The following TMOD1 variants were observed in gnomAD, a reference collection of about 807,000 sequenced individuals.
The protein encoded by TMOD1 is tropomodulin-1.
In TMOD1, 17 loss-of-function variants were observed where a neutral mutation model predicts 40.6. The observed-to-expected ratio is 0.42, with a 90% CI of 0.29 to 0.63. The LOEUF (loss-of-function observed/expected upper bound fraction) is 0.63, where lower values mean the gene tolerates loss of function less well. Ranked by LOEUF, TMOD1 falls within the 20% of genes least tolerant of loss-of-function variation. The probability of loss-of-function intolerance (pLI) is 0.22; values close to 1 mark genes in which losing one functional copy is unlikely to be tolerated. For missense variants in TMOD1, 391 were observed against 447.6 expected (o/e 0.87, Z 1.14); for synonymous variants, 181 against 175.0 (o/e 1.03, Z -0.27).
In TMOD1 at chr9:97,506,240, G is replaced by A. The variant is rs377039036; in HGVS notation, c.-49+4437G>A. ...CCCCCTGTGCCAACTCAGAGCACCA[G>A]CCAGAGTGTGTTCTAAATGGAACCA... is the stretch of plus-strand genomic sequence containing the variant. On this transcript the variant is annotated intron_variant, in intron 1 of 9. Coordinates refer to ENST00000259365, the MANE Select transcript of TMOD1 (RefSeq NM_003275.4). 5.9e-5 allele frequency among the ~76,000 whole-genome samples: 9 copies of A among 152,282 alleles called. No individual in the cohort carries two copies. The East Asian group carries it at 9.7e-4, about 16-fold the overall frequency.
intron 2 of TMOD1, among the ~76,000 whole-genome samples, chr9:97,531,045 C>CCG (rs1168372435): frequency 7.2e-6 from 1 of 139,714 alleles, no homozygotes; most frequent in Non-Finnish European, 1.6e-5. Context: ...CCACCCCCCC[C>CCG]ACCACCCCTT....
rs761059642 is a variant in TMOD1 at position 97,568,894 on chromosome 9, G to T, written c.727G>T (p.Ala243Ser). ...TCCTTGCTTTCTCTTGTGCTTCAAG[G>T]CCCTTGCTGAGATGCTCAAGGAGAA... ...GTRSNDPVAY[A>S]LAEMLKENKV... Residue 243 changes from alanine to serine, a missense_variant and splice_region_variant, in exon 8 of 10, where the codon GCC (alanine) becomes TCC (serine). Coordinates refer to ENST00000259365, the MANE Select transcript of TMOD1 (RefSeq NM_003275.4). The T allele has an allele frequency of 1.2e-6, 2 of 1,613,814 alleles. No individual in the cohort carries two copies. Among genetic ancestry groups the T allele is most frequent in the South Asian group, 2.2e-5 (2 of 91,040 alleles).
intron 1 of TMOD1, among the ~76,000 whole-genome samples, chr9:97,510,324 A>G (rs1342806953): frequency 6.6e-6 from 1 of 151,986 alleles, no homozygotes; most frequent in Non-Finnish European, 1.5e-5. Context: ...TCCACTGCCC[A>G]GGTTCAAGCG....
intron 7 of TMOD1, 28 bp downstream of exon 7, chr9:97,565,983 G>T: frequency 6.3e-7 from 1 of 1,594,152 alleles, no homozygotes; most frequent in Non-Finnish European, 8.6e-7. Context: ...CTGTTGCATT[G>T]TGGCTGGGGG....
At chr9:97,567,035 A>C (rs1416213716) in intron 7 of TMOD1, among the ~76,000 whole-genome samples, 2 of 152,258 alleles carry the variant, frequency 1.3e-5, no homozygotes, top group Admixed American at 1.3e-4. Context: ...CAGGGCTAGT[A>C]ATTAACCATT....
chr9:97,580,635 GGGAA>G (rs1280347382), intron 8 of TMOD1, among the ~76,000 whole-genome samples: 4 of 151,904 alleles, frequency 2.6e-5, no homozygotes, highest in Middle Eastern at 3.4e-3. Flanking sequence ...GAAGGAAGGA[GGGAA>G]GGAAGGGAGG....
At chr9:97,525,196 T>A (rs1829993387) in intron 2 of TMOD1, among the ~76,000 whole-genome samples, 1 of 152,210 alleles carries the variant, frequency 6.6e-6, no homozygotes. Context: ...TGAGTGATGT[T>A]TATTCTTCTC....
chr9:97,512,196 C>T (rs566714491), intron 1 of TMOD1, among the ~76,000 whole-genome samples: 2 of 152,344 alleles, frequency 1.3e-5, no homozygotes, highest in African/African-American at 2.4e-5. Context: ...CATCATTAGT[C>T]GTCAGGGAAA....
At chr9:97,566,304 A>T (rs1830726680) in intron 7 of TMOD1, among the ~76,000 whole-genome samples, 1 of 152,210 alleles carries the variant, frequency 6.6e-6, no homozygotes, top group African/African-American at 2.4e-5. Flanking sequence ...CGTGACCCCT[A>T]AATCTTCACT....
At chr9:97,575,742 C>T (rs1053312442) in intron 8 of TMOD1, among the ~76,000 whole-genome samples, 7 of 152,184 alleles carry the variant, frequency 4.6e-5, no homozygotes. Flanking sequence ...CTCAGAGCCA[C>T]CGGCTCCAGG....
chr9:97,559,931 G>A (rs918323257), intron 4 of TMOD1, among the ~76,000 whole-genome samples: 1 of 149,788 alleles, frequency 6.7e-6, no homozygotes, highest in Non-Finnish European at 1.5e-5. Context: ...ATCCATGTGT[G>A]CAGCCTTGAC....
intron 8 of TMOD1, among the ~76,000 whole-genome samples, chr9:97,572,028 G>C (rs1587950748): frequency 6.6e-6 from 1 of 152,200 alleles, no homozygotes; most frequent in South Asian, 2.1e-4. Context: ...CATACCAGGT[G>C]CTCCAGCAGC....
chr9:97,573,129 G>C lies in TMOD1; in HGVS notation c.870+4092G>C, dbSNP rs1830847509. On this transcript the variant is annotated intron_variant, in intron 8 of 9. Coordinates refer to ENST00000259365, the MANE Select transcript of TMOD1 (RefSeq NM_003275.4). ...ATGGATGGATGGGAGAAACCCTGTG[G>C]GCCCCGAGGGAGCCTGCAGGCCCGG... Among the ~76,000 whole-genome samples, 7 of 152,208 alleles carry C rather than the reference G, an allele frequency of 4.6e-5. No homozygotes were observed. In the South Asian group the frequency reaches 1.2e-3, roughly 27 times the overall value.
intron 8 of TMOD1, among the ~76,000 whole-genome samples, chr9:97,580,737 T>TAAGG (rs973723408): frequency 7.9e-5 from 12 of 152,306 alleles, no homozygotes; most frequent in African/African-American, 2.9e-4. Context: ...GTAACATTTA[T>TAAGG]AAGGTCAAGA....
At position 97,526,346 on chromosome 9, in the gene TMOD1, A is replaced by C. The variant is rs558478057; in HGVS notation, c.120+2038A>C. Among the ~76,000 whole-genome samples, 997 of 152,340 alleles carry C rather than the reference A, an allele frequency of 6.5e-3. 11 individuals carry two copies. Among genetic ancestry groups the C allele is most frequent in the African/African-American group, 0.023 (940 of 41,572 alleles). On this transcript the variant is annotated intron_variant, in intron 2 of 9. Transcript: ENST00000259365. ...GTCAGGGTACACAGTGTCAAGAGTCAAAAGTCTCTTTGGTTGTGTATGTGG... is the reference window on the plus strand; with the variant it reads ...GTCAGGGTACACAGTGTCAAGAGTCCAAAGTCTCTTTGGTTGTGTATGTGG...
At position 97,599,691 on chromosome 9, in the gene TMOD1, G is replaced by T. The variant is rs761788427; in HGVS notation, c.1073G>T (p.Gly358Val). ...CCCATCATTCCCAAGTGCCGGAGTG[G>T]TGTCTAGTGTGTGGCGGTGGAGTCC... ...TGPIIPKCRS[G>V]V Residue 358 changes from glycine to valine, a missense_variant, in exon 10 of 10, where the codon GGT (glycine) becomes GTT (valine). Gly to Val is a moderately radical substitution (Grantham distance 109). Coordinates refer to ENST00000259365, the MANE Select transcript of TMOD1 (RefSeq NM_003275.4). 1 of 1,614,192 alleles carries T rather than the reference G, an allele frequency of 6.2e-7. No individual in the cohort carries two copies. Among genetic ancestry groups the T allele is most frequent in the South Asian group, 1.1e-5 (1 of 91,084 alleles).
At chr9:97,589,514 C>T (rs376617362) in intron 8 of TMOD1, among the ~76,000 whole-genome samples, 9 of 151,666 alleles carry the variant, frequency 5.9e-5, no homozygotes, top group African/African-American at 2.2e-4. Flanking sequence ...TTCTTGACCT[C>T]GTGATCCACC....
At chr9:97,545,775 C>A (rs1830351016) in intron 2 of TMOD1, among the ~76,000 whole-genome samples, 1 of 152,200 alleles carries the variant, frequency 6.6e-6, no homozygotes, top group Admixed American at 6.5e-5. Flanking sequence ...TGATACTCAA[C>A]TCAACTCCTG....
chr9:97,536,362 G>A (rs570677716), intron 2 of TMOD1, among the ~76,000 whole-genome samples: 4 of 152,258 alleles, frequency 2.6e-5, no homozygotes, highest in African/African-American at 7.2e-5. Flanking sequence ...GCAGGTGGGC[G>A]TCTAGGGCAC....
Sources: allele counts gnomAD v4.1 joint callset (sites outside exome capture counted in the v4.1 genomes callset), GRCh38; gene constraint gnomAD v4.1.1; transcripts MANE v1.5; gene names NCBI Gene and HGNC (gene_info 2026-07-23, HGNC 2026-07-21).